KIF11: variants seen among roughly 807,000 people sequenced by gnomAD.
KIF11 encodes kinesin family member 11.
In KIF11, 9 loss-of-function variants were observed where a neutral mutation model predicts 121.0. The observed-to-expected ratio is 0.07, with a 90% CI of 0.04 to 0.13. KIF11 has a LOEUF of 0.13. Ranked by LOEUF, KIF11 falls within the 10% of genes least tolerant of loss-of-function variation. The pLI is 1.00. For missense variants in KIF11, 846 were observed against 1,217.5 expected (o/e 0.69, Z 4.54); for synonymous variants, 408 against 421.0 (o/e 0.97, Z 0.38).
chr10:92,597,091 T>C, intron 1 of KIF11: 1 of 328,646 alleles, frequency 3.0e-6, no homozygotes, highest in South Asian at 3.1e-5. Flanking sequence ...CACTCCTGCA[T>C]CTTTAGACCT....
intron 11 of KIF11, among the ~76,000 whole-genome samples, chr10:92,629,290 T>A (rs1281612216): frequency 1.3e-5 from 2 of 151,782 alleles, no homozygotes; most frequent in Non-Finnish European, 2.9e-5. Flanking sequence ...CTCCTTCAGA[T>A]TTTTTTGGAA....
At chr10:92,651,548 T>TA (rs1749863944) in intron 21 of KIF11, among the ~76,000 whole-genome samples, 5 of 117,110 alleles carry the variant, frequency 4.3e-5, no homozygotes, top group African/African-American at 1.1e-4. Context: ...TTTTTTTTTT[T>TA]AGTAGAGGGG....
In KIF11 at chr10:92,616,757, A is replaced by G. The variant is rs925491142; in HGVS notation, c.1053A>G (p.Glu351=). 1.3e-6 allele frequency: 2 copies of G among 1,598,722 alleles called. No homozygotes were observed. Among genetic ancestry groups the G allele is most frequent in the African/African-American group, 1.3e-5 (1 of 74,504 alleles). ...LNLEETLSTL[E]YAHRAKNILN... ...GACAGGAAACTCTGAGTACATTGGA[A>G]TATGCTCATAGAGCAAAGAACATAT... Residue 351 remains glutamate, a synonymous_variant, in exon 9 of 22, where the codon GAA becomes GAG. Transcript: ENST00000260731.
chr10:92,604,376 A>C (rs185372493), intron 1 of KIF11, among the ~76,000 whole-genome samples: 1 of 152,326 alleles, frequency 6.6e-6, no homozygotes, highest in Non-Finnish European at 1.5e-5. Flanking sequence ...TGCCAAAAAT[A>C]ATAGACTAAT....
intron 10 of KIF11, among the ~76,000 whole-genome samples, chr10:92,627,114 A>G (rs186960163): frequency 4.4e-4 from 67 of 152,364 alleles, no homozygotes; most frequent in African/African-American, 1.3e-3. Context: ...AAAGACTATT[A>G]GAATTAACTC....
At chr10:92,639,574 C>T (rs1163625745) in intron 16 of KIF11, among the ~76,000 whole-genome samples, 1 of 151,786 alleles carries the variant, frequency 6.6e-6, no homozygotes, top group Non-Finnish European at 1.5e-5. Context: ...GCTTGGACAA[C>T]AGAGTGAGAC....
At chr10:92,624,355 C>G (rs1053829939) in intron 10 of KIF11, among the ~76,000 whole-genome samples, 1 of 151,138 alleles carries the variant, frequency 6.6e-6, no homozygotes, top group African/African-American at 2.4e-5. Flanking sequence ...CCCAGCTGCC[C>G]GAGTAGCTGG....
Position 92,606,247 on chromosome 10 carries a change from G to C in KIF11, c.78-18G>C, listed in dbSNP as rs769804344. ...GAACTAAGAGCTCTTGAATGACTTT[G>C]TGTATTTCTTTTTATAGACCATTTA... On this transcript the variant is annotated intron_variant, in intron 1 of 21. Transcript: ENST00000260731. 10 of 1,570,340 alleles carry C rather than the reference G, an allele frequency of 6.4e-6. No homozygotes were observed. Among genetic ancestry groups the C allele is most frequent in the Non-Finnish European group, 8.6e-6 (10 of 1,164,980 alleles).
In KIF11 at chr10:92,609,297, AGAGAGAGTGTGTGTGTGT is replaced by A. The variant is rs1484759727; in HGVS notation, c.574-86_574-69del. 1.9e-4 allele frequency: 163 copies of A among 850,712 alleles called. No homozygotes were observed. The East Asian group carries it at 4.1e-3, about 22-fold the overall frequency. The allele number at this position is 850,712 out of a possible 1,614,324, so 52.7% of individuals were successfully genotyped here. ...GAGAGAGAGAGAGAGAGAGAGAGAGAGAGAGAGTGTGTGTGTGTGTGTGTGTGTGTGTGTGTGTGTGTG... is the reference window on the plus strand; with the variant it reads ...GAGAGAGAGAGAGAGAGAGAGAGAGAGTGTGTGTGTGTGTGTGTGTGTGTG... On this transcript the variant is annotated intron_variant, in intron 5 of 21. Transcript: ENST00000260731.
rs1265620874 is a variant in KIF11, at chr10:92,650,433, G to C, written c.2955G>C (p.Gln985His). The change falls in exon 21 of 22, where the codon CAG (glutamine) becomes CAC (histidine). Residue 985 changes from glutamine (Q) to histidine (H), a missense_variant. By Grantham distance (24) the Gln-to-His change is conservative. Transcript: ENST00000260731. Reference sequence around the variant, plus strand: ...ATGTAGAAGAGGCAGTTCTGGGGCAGTATACTGAAGAACCTCTAAGTCAAG... The same window carrying C: ...ATGTAGAAGAGGCAGTTCTGGGGCACTATACTGAAGAACCTCTAAGTCAAG... ...DVDVEEAVLGQYTEEPLSQEP... is the reference protein window; with the variant it reads ...DVDVEEAVLGHYTEEPLSQEP... 3.1e-6 allele frequency: 5 copies of C among 1,612,542 alleles called. No homozygotes were observed. The highest frequency in any genetic ancestry group is 4.2e-6 in the Non-Finnish European group (5 of 1,178,542).
rs1844617098 is a variant in KIF11, at chr10:92,621,548, G to A, written c.1217+75G>A. 4.9e-6 allele frequency: 4 copies of A among 823,522 alleles called. No individual in the cohort carries two copies. The African/African-American group carries it at 5.1e-5, about 11-fold the overall frequency. 51.0% of individuals were successfully genotyped at this position (823,522 alleles called of 1,614,324 possible). Reference sequence around the variant, plus strand: ...ACAGGCTATTTGAAGTAAAACTTATGTAGCAGTAAGTAAAATCTTTATATC... The same window carrying A: ...ACAGGCTATTTGAAGTAAAACTTATATAGCAGTAAGTAAAATCTTTATATC... On this transcript the variant is annotated intron_variant, in intron 10 of 21. Transcript: ENST00000260731.
At chr10:92,643,759 T>C (rs1198698997) in intron 17 of KIF11, among the ~76,000 whole-genome samples, 2 of 152,036 alleles carry the variant, frequency 1.3e-5, no homozygotes, top group African/African-American at 2.4e-5. Context: ...GGTTTCACCA[T>C]ATTGGCCAGG....
intron 4 of KIF11, among the ~76,000 whole-genome samples, chr10:92,607,882 C>T (rs1057282136): frequency 5.9e-5 from 9 of 151,766 alleles, no homozygotes; most frequent in African/African-American, 2.2e-4. Context: ...TGGTCGGGCA[C>T]GGTGGCTCAT....
chr10:92,642,186 G>T (rs189829353), intron 17 of KIF11, among the ~76,000 whole-genome samples: 9 of 152,078 alleles, frequency 5.9e-5, no homozygotes, highest in African/African-American at 2.2e-4. Flanking sequence ...TGTGGTTCTT[G>T]ATATATGATA....
At chr10:92,635,147 A>G (rs1844783096) in intron 14 of KIF11, among the ~76,000 whole-genome samples, 1 of 152,180 alleles carries the variant, frequency 6.6e-6, no homozygotes, top group Non-Finnish European at 1.5e-5. Flanking sequence ...TTTCAGCTTA[A>G]CAATATTTAT....
chr10:92,655,007 A>C lies in KIF11; in HGVS notation c.*1211A>C, dbSNP rs149623261. The C allele has an allele frequency of 1.3e-5, 2 of 152,698 alleles. No homozygotes were observed. Among genetic ancestry groups the C allele is most frequent in the African/African-American group, 4.8e-5 (2 of 41,480 alleles). 9.5% of individuals were successfully genotyped at this position (152,698 alleles called of 1,614,324 possible). A position where few individuals can be genotyped will look rare whatever the true frequency, so the allele number is the denominator to read the frequency against. On this transcript the variant is annotated 3_prime_UTR_variant, in exon 22 of 22. Coordinates refer to ENST00000260731, the MANE Select transcript of KIF11 (RefSeq NM_004523.4). ...TTGTTGCTTGTTTGTATATAATACA[A>C]TGTGTACATGTATCTTTTTCTCGAT...
At chr10:92,624,836 C>A (rs1301229132) in intron 10 of KIF11, among the ~76,000 whole-genome samples, 1 of 148,782 alleles carries the variant, frequency 6.7e-6, no homozygotes, top group Non-Finnish European at 1.5e-5. Context: ...GTGGCACAAT[C>A]TCGGCTCACT....
chr10:92,624,304 C>T (rs1350156428), intron 10 of KIF11, among the ~76,000 whole-genome samples: 2 of 137,428 alleles, frequency 1.5e-5, no homozygotes, highest in African/African-American at 5.5e-5. Flanking sequence ...GATCTCGGCT[C>T]ACTGCAACCT....
Position 92,609,048 on chromosome 10 carries a change from C to A in KIF11, c.416C>A (p.Thr139Asn). The A allele has an allele frequency of 6.3e-7, 1 of 1,586,674 alleles. No individual in the cohort carries two copies. Among genetic ancestry groups the A allele is most frequent in the Non-Finnish European group, 8.6e-7 (1 of 1,167,826 alleles). Reference protein sequence around the residue: ...EDPLAGIIPRTLHQIFEKLTD... With the variant: ...EDPLAGIIPRNLHQIFEKLTD... The stretch of plus-strand genomic sequence containing the variant: ...CCCTTGGCTGGTATAATTCCACGTA[C>A]CCTTCATCAAATTTTTGAGAAACTT... Residue 139 changes from threonine to asparagine, a missense_variant, in exon 5 of 22, where the codon ACC (threonine) becomes AAC (asparagine). Thr to Asn is a moderately conservative substitution (Grantham distance 65). Around this residue, in one of 5 missense-constraint regions of KIF11, gnomAD observed 140 missense variants for 193.5 expected, o/e 0.72. Coordinates refer to ENST00000260731, the MANE Select transcript of KIF11 (RefSeq NM_004523.4).
Sources: allele counts gnomAD v4.1 joint callset (sites outside exome capture counted in the v4.1 genomes callset), GRCh38; gene constraint gnomAD v4.1.1; regional missense constraint gnomAD v4.1.1; transcripts MANE v1.5; gene names NCBI Gene and HGNC (gene_info 2026-07-23, HGNC 2026-07-21).